XYLT1: variants seen among roughly 807,000 people sequenced by gnomAD.
XYLT1 encodes beta-D-xylosyltransferase 1.
XYLT1 carries 36 observed loss-of-function variants against 91.3 expected under a neutral mutation model. The observed-to-expected ratio is 0.39, with a 90% CI of 0.30 to 0.52. XYLT1 has a LOEUF of 0.52. XYLT1 is among the 20% of genes least tolerant of loss of function. The pLI, the probability that XYLT1 is intolerant of heterozygous loss-of-function variation, is 0.68. For missense variants in XYLT1, 1,242 were observed against 1,284.5 expected, an observed-to-expected ratio of 0.97 and a Z score of 0.51; for synonymous variants, 588 against 532.0, an observed-to-expected ratio of 1.11 and a Z score of -1.45.
chr16:17,270,335 C>A (rs1225842435), intron 2 of XYLT1, among the ~76,000 whole-genome samples: 3 of 152,236 alleles, frequency 2.0e-5, no homozygotes, highest in East Asian at 1.9e-4. Context: ...AAGAGCCCAG[C>A]AAAGCGTGCT....
chr16:17,291,474 C>T (rs1367064915), intron 2 of XYLT1, among the ~76,000 whole-genome samples: 1 of 152,180 alleles, frequency 6.6e-6, no homozygotes, highest in Non-Finnish European at 1.5e-5. Context: ...GTATGAACAA[C>T]AGATCCTGTG....
At chr16:17,273,011 A>G (rs1376086991) in intron 2 of XYLT1, among the ~76,000 whole-genome samples, 1 of 152,174 alleles carries the variant, frequency 6.6e-6, no homozygotes, top group African/African-American at 2.4e-5. Flanking sequence ...TCAGAAACCC[A>G]GCAGGACAGG....
intron 6 of XYLT1, among the ~76,000 whole-genome samples, chr16:17,149,290 A>C (rs1389865276): frequency 1.3e-5 from 2 of 152,244 alleles, no homozygotes; most frequent in South Asian, 2.1e-4. Context: ...TCCCACTGTA[A>C]GTTTTAGAAG....
chr16:17,200,748 ATT>A, intron 3 of XYLT1, 94 bp from the exon 4 acceptor site: 1 of 1,381,334 alleles, frequency 7.2e-7, no homozygotes, highest in Non-Finnish European at 1.0e-6. Context: ...TTTGGGGACT[ATT>A]TTAGGGGCAC....
Position 17,108,910 on chromosome 16 carries a change from C to G in XYLT1, c.2665G>C (p.Glu889Gln), listed in dbSNP as rs752844900. Residue 889 changes from glutamate to glutamine, a missense_variant, in exon 12 of 12, where the codon GAA becomes CAA. Around this residue, in one of 3 missense-constraint regions of XYLT1, gnomAD observed 511 missense variants for 497.0 expected, o/e 1.03. Transcript: ENST00000261381. The part of the protein sequence containing the change: ...LSLPINPAQV[E>Q]QARRNAASTG... Reference sequence around the variant, plus strand: ...GAGGCTGCGTTCCTCCGTGCCTGTTCCACCTGGGCGGGGTTGATGGGCAGG... The same window carrying G: ...GAGGCTGCGTTCCTCCGTGCCTGTTGCACCTGGGCGGGGTTGATGGGCAGG... The G allele has an allele frequency of 9.3e-6, 15 of 1,606,074 alleles. No homozygotes were observed. The highest frequency in any genetic ancestry group is 1.3e-5 in the Non-Finnish European group (15 of 1,174,364).
chr16:17,244,393 G>A (rs1398580131), intron 3 of XYLT1, among the ~76,000 whole-genome samples: 1 of 152,160 alleles, frequency 6.6e-6, no homozygotes, highest in African/African-American at 2.4e-5. Context: ...GAAACCTGAA[G>A]AGGGATCCCA....
intron 1 of XYLT1, among the ~76,000 whole-genome samples, chr16:17,365,829 T>A (rs2035447655): frequency 1.3e-5 from 2 of 152,188 alleles, no homozygotes; most frequent in African/African-American, 4.8e-5. Flanking sequence ...TCCAGCTTGG[T>A]ATGTGTATCC....
At chr16:17,232,460 T>C (rs1596436832) in intron 3 of XYLT1, among the ~76,000 whole-genome samples, 1 of 143,688 alleles carries the variant, frequency 7.0e-6, no homozygotes, top group Non-Finnish European at 1.5e-5. Flanking sequence ...CATATATATA[T>C]ATATATTGCC....
chr16:17,200,750 T>G, intron 3 of XYLT1, 96 bp from the exon 4 acceptor site: 9 of 1,369,482 alleles, frequency 6.6e-6, no homozygotes, highest in Non-Finnish European at 9.2e-6. Flanking sequence ...TGGGGACTAT[T>G]TTAGGGGCAC....
intron 2 of XYLT1, among the ~76,000 whole-genome samples, chr16:17,271,927 T>G (rs1254371265): frequency 6.6e-6 from 1 of 152,070 alleles, no homozygotes; most frequent in Non-Finnish European, 1.5e-5. Flanking sequence ...TGAAGAGAGC[T>G]GGCTGGAGAA....
chr16:17,463,783 A>G (rs1338392204), intron 1 of XYLT1, among the ~76,000 whole-genome samples: 1 of 152,246 alleles, frequency 6.6e-6, no homozygotes, highest in African/African-American at 2.4e-5. Context: ...AGCTATCTGC[A>G]CTCCCATGCT....
At chr16:17,456,183 C>T (rs1387524888) in intron 1 of XYLT1, among the ~76,000 whole-genome samples, 7 of 151,884 alleles carry the variant, frequency 4.6e-5, no homozygotes, top group Admixed American at 1.3e-4. Context: ...TAGATGTCCA[C>T]GTCCACAGTC....
Position 17,337,768 on chromosome 16 carries a change from A to AATTTTTCTTTTTTTTTTTTTTT in XYLT1, c.402+20243_402+20244insAAAAAAAAAAAAAAAGAAAAAT, listed in dbSNP as rs1272127217. Among the ~76,000 whole-genome samples, 6 of 102,552 alleles carry AATTTTTCTTTTTTTTTTTTTTT rather than the reference A, an allele frequency of 5.9e-5. 2 individuals carry two copies. Among genetic ancestry groups the AATTTTTCTTTTTTTTTTTTTTT allele is most frequent in the Non-Finnish European group, 1.0e-4 (5 of 49,812 alleles). 67.3% of individuals were successfully genotyped at this position (102,552 alleles called of 152,430 possible). ...CTGAGTCCTACTTTGTCTGTTCCAC[A>AATTTTTCTTTTTTTTTTTTTTT]TTTTTTCTTTTTCTTTTTTTTTTTT... is the stretch of plus-strand genomic sequence containing the variant. On this transcript the variant is annotated intron_variant, in intron 2 of 11. Coordinates refer to ENST00000261381, the MANE Select transcript of XYLT1 (RefSeq NM_022166.4).
At chr16:17,167,238 C>T (rs1306916345) in intron 5 of XYLT1, among the ~76,000 whole-genome samples, 2 of 152,272 alleles carry the variant, frequency 1.3e-5, no homozygotes, top group Non-Finnish European at 1.5e-5. Flanking sequence ...AGGAAATAAA[C>T]AGGAAACTGC....
rs202139601 is a variant in XYLT1 at position 17,285,937 on chromosome 16, AGT to A, written c.403-26441_403-26440del. Among the ~76,000 whole-genome samples, 636 of 148,988 alleles carry A rather than the reference AGT, an allele frequency of 4.3e-3. 1 individual carries two copies. The highest frequency in any genetic ancestry group is 0.013 in the South Asian group (61 of 4,676). ...GTGTGTGTCCATGTGTGTGTGAGTG[AGT>A]GAGAGAGAGAGAGAAAGAGAGAGAG... On this transcript the variant is annotated intron_variant, in intron 2 of 11. Coordinates refer to ENST00000261381, the MANE Select transcript of XYLT1 (RefSeq NM_022166.4).
intron 2 of XYLT1, among the ~76,000 whole-genome samples, chr16:17,293,389 G>A (rs2034259127): frequency 6.6e-6 from 1 of 151,824 alleles, no homozygotes; most frequent in African/African-American, 2.4e-5. Flanking sequence ...CCCAGGGACA[G>A]TGGTACCAAT....
chr16:17,327,243 C>T (rs2034818984), intron 2 of XYLT1, among the ~76,000 whole-genome samples: 1 of 151,984 alleles, frequency 6.6e-6, no homozygotes, highest in Admixed American at 6.6e-5. Flanking sequence ...GTTTGAGAGG[C>T]CAAGCATGTA....
At chr16:17,433,794 C>T (rs775274625) in intron 1 of XYLT1, among the ~76,000 whole-genome samples, 8 of 152,172 alleles carry the variant, frequency 5.3e-5, no homozygotes, top group Non-Finnish European at 1.0e-4. Context: ...CAGCCAGAGG[C>T]CTGATAATCT....
chr16:17,409,506 C>T (rs2036079451), intron 1 of XYLT1, among the ~76,000 whole-genome samples: 2 of 151,428 alleles, frequency 1.3e-5, no homozygotes, highest in Non-Finnish European at 2.9e-5. Context: ...GAAAGAAAGT[C>T]CATTAACATT....
Sources: allele counts gnomAD v4.1 joint callset (sites outside exome capture counted in the v4.1 genomes callset), GRCh38; gene constraint gnomAD v4.1.1; regional missense constraint gnomAD v4.1.1; transcripts MANE v1.5; gene names NCBI Gene and HGNC (gene_info 2026-07-23, HGNC 2026-07-21).